The following ARHGAP32 variants were observed in gnomAD, a reference collection of about 807,000 sequenced individuals.
The protein encoded by ARHGAP32 is rho GTPase-activating protein 32.
ARHGAP32 carries 51 observed loss-of-function variants against 186.5 expected under a neutral mutation model. The ratio of observed to expected loss-of-function variants is 0.27; its 90% CI spans 0.22 to 0.35. The LOEUF is 0.35. Ranked by LOEUF, ARHGAP32 falls within the 10% of genes least tolerant of loss-of-function variation. The pLI is 1.00. For synonymous variants in ARHGAP32, 950 were observed against 964.3 expected, an observed-to-expected ratio of 0.99 and a Z score of 0.27; for missense variants, 2,186 against 2,623.5, an observed-to-expected ratio of 0.83 and a Z score of 3.64.
At chr11:129,272,763 G>A (rs776300694) in intron 1 of ARHGAP32, among the ~76,000 whole-genome samples, 11 of 152,340 alleles carry the variant, frequency 7.2e-5, no homozygotes, top group Non-Finnish European at 1.6e-4. Flanking sequence ...CTGTAGGCAA[G>A]AAGAAATGAG....
chr11:129,076,492 G>A (rs972994803), intron 6 of ARHGAP32, among the ~76,000 whole-genome samples: 2 of 151,602 alleles, frequency 1.3e-5, no homozygotes, highest in African/African-American at 4.9e-5. Context: ...ATTTCCACAA[G>A]GAATTAAACT....
At chr11:129,125,533 T>C (rs1228475550) in intron 2 of ARHGAP32, among the ~76,000 whole-genome samples, 1 of 152,054 alleles carries the variant, frequency 6.6e-6, no homozygotes, top group African/African-American at 2.4e-5. Context: ...TTAAAAAAAC[T>C]TAAGTTGAAT....
chr11:129,043,444 C>T (rs1353793416), intron 10 of ARHGAP32, among the ~76,000 whole-genome samples: 5 of 136,160 alleles, frequency 3.7e-5, no homozygotes, highest in African/African-American at 5.5e-5. Context: ...TGAAGTGCAA[C>T]GACGCGACCT....
rs541456855 is a variant in ARHGAP32, at chr11:128,991,168, T to C, written c.1196-3043A>G. Among the ~76,000 whole-genome samples the C allele has an allele frequency of 2.6e-5, 4 of 152,296 alleles. No homozygotes were observed. In the South Asian group the frequency reaches 8.3e-4, roughly 32 times the overall value. ...AATAAGTAGGAAAACATTGAAAATATGGAGAATTAGAGGTCTTTTCCTGAT... is the reference window on the plus strand; with the variant it reads ...AATAAGTAGGAAAACATTGAAAATACGGAGAATTAGAGGTCTTTTCCTGAT... On this transcript the variant is annotated intron_variant, in intron 12 of 22. Coordinates refer to ENST00000682385, the MANE Select transcript of ARHGAP32 (RefSeq NM_001378024.1).
chr11:129,232,799 C>T (rs180768625), intron 1 of ARHGAP32, among the ~76,000 whole-genome samples: 37 of 152,260 alleles, frequency 2.4e-4, no homozygotes, highest in East Asian at 1.4e-3. Flanking sequence ...TGTCCCCTTC[C>T]TATCTTGGAG....
chr11:129,096,795 T>C (rs1204800055), intron 5 of ARHGAP32, among the ~76,000 whole-genome samples: 1 of 152,204 alleles, frequency 6.6e-6, no homozygotes, highest in East Asian at 1.9e-4. Context: ...CAACGCCCTT[T>C]TCCTTCCCTG....
rs771717145 is a variant in ARHGAP32, at chr11:128,969,462, C to A, written c.5751G>T (p.Gln1917His). 37 of 1,614,220 alleles carry A rather than the reference C, an allele frequency of 2.3e-5. No homozygotes were observed. The highest frequency in any genetic ancestry group is 3.1e-5 in the Non-Finnish European group (37 of 1,180,032). Residue 1917 changes from glutamine to histidine, a missense_variant, in exon 23 of 23, where the codon CAG (glutamine) becomes CAT (histidine). This residue lies in a region of ARHGAP32 where 1,502 missense variants were observed against 1,570.0 expected (regional missense o/e 0.96). Coordinates refer to ENST00000682385, the MANE Select transcript of ARHGAP32 (RefSeq NM_001378024.1). The surrounding 1 kb of genome is among the most constrained non-coding windows in gnomAD (Gnocchi z 4.8). ...GAATCCCTTTGGACCCATAATCTAA[C>A]TGGCCAGCTCCCTGGGGATAAGGGG... ...NGPPYPQGAG[Q>H]LDYGSKGIPD...
intron 11 of ARHGAP32, among the ~76,000 whole-genome samples, chr11:129,026,896 G>A (rs901861899): frequency 9.3e-5 from 14 of 150,192 alleles, no homozygotes; most frequent in African/African-American, 2.9e-4. Flanking sequence ...TCAGGAGATC[G>A]AGACCATCCT....
upstream of ARHGAP32, among the ~76,000 whole-genome samples, chr11:129,193,703 A>ATATATATTATATATTATATAT (rs60437245): frequency 1.7e-3 from 83 of 48,364 alleles, no homozygotes; most frequent in African/African-American, 5.9e-3. Flanking sequence ...ATAATATATA[A>ATATATATTATATATTATATAT]TATATATTAT....
At chr11:129,218,613 A>G (rs2135604235) in intron 1 of ARHGAP32, among the ~76,000 whole-genome samples, 1 of 152,300 alleles carries the variant, frequency 6.6e-6, no homozygotes. Context: ...GAGAGATGAG[A>G]CAGAAAAGGG....
intron 5 of ARHGAP32, among the ~76,000 whole-genome samples, chr11:129,110,145 C>T (rs1942167485): frequency 6.6e-6 from 1 of 152,072 alleles, no homozygotes; most frequent in South Asian, 2.1e-4. Context: ...GGTTTAGTTT[C>T]ATTCTTCTAC....
At chr11:129,197,037 A>G (rs1453481340), upstream of ARHGAP32, among the ~76,000 whole-genome samples, 1 of 152,134 alleles carries the variant, frequency 6.6e-6, no homozygotes, top group Non-Finnish European at 1.5e-5. Flanking sequence ...AGCCTGGGTG[A>G]CAGAGCAAGA....
intron 11 of ARHGAP32, among the ~76,000 whole-genome samples, chr11:129,005,386 T>C (rs1419577139): frequency 6.6e-6 from 1 of 152,194 alleles, no homozygotes; most frequent in Non-Finnish European, 1.5e-5. Context: ...TTCATTAATG[T>C]CGTTTTCTTT....
At chr11:129,183,827 G>A (rs1944103556) in intron 1 of ARHGAP32, among the ~76,000 whole-genome samples, 1 of 152,018 alleles carries the variant, frequency 6.6e-6, no homozygotes, top group Non-Finnish European at 1.5e-5. Flanking sequence ...CTGCAGAAAA[G>A]TTTCCTCTCA....
chr11:129,038,888 GAAAAAAAAA>G (rs56810685), intron 11 of ARHGAP32, among the ~76,000 whole-genome samples: 2 of 92,188 alleles, frequency 2.2e-5, no homozygotes, highest in South Asian at 4.0e-4. Flanking sequence ...ACCCTGTCTC[GAAAAAAAAA>G]AAAAAAAAAA....
intron 5 of ARHGAP32, among the ~76,000 whole-genome samples, chr11:129,117,796 C>T (rs1362099170): frequency 1.3e-5 from 2 of 151,540 alleles, no homozygotes; most frequent in Admixed American, 6.6e-5. Flanking sequence ...GGCGGTACAA[C>T]ACAAAGCACA....
intron 11 of ARHGAP32, among the ~76,000 whole-genome samples, chr11:129,040,270 C>A (rs1939538649): frequency 6.6e-6 from 1 of 151,928 alleles, no homozygotes; most frequent in African/African-American, 2.4e-5. Context: ...TGTAATATAG[C>A]TAGGAAAAAT....
chr11:129,054,319 T>C (rs1262737788), intron 10 of ARHGAP32, among the ~76,000 whole-genome samples: 1 of 152,152 alleles, frequency 6.6e-6, no homozygotes, highest in East Asian at 1.9e-4. Flanking sequence ...ATTTCTAAAC[T>C]GTGTCTGATT....
intron 2 of ARHGAP32, among the ~76,000 whole-genome samples, chr11:129,147,859 A>C (rs1475204100): frequency 1.3e-5 from 2 of 152,154 alleles, no homozygotes; most frequent in Non-Finnish European, 2.9e-5. Context: ...TTTATCCTTC[A>C]ATAAAATGAA....
Sources: gnomAD v4.1 joint callset for allele counts (sites outside exome capture counted in the v4.1 genomes callset) on GRCh38, gnomAD v4.1.1 for gene constraint, gnomAD v4.1.1 regional missense constraint, Gnocchi (gnomAD v3.1) non-coding constraint, MANE v1.5 for transcripts, NCBI Gene and HGNC (gene_info 2026-07-23, HGNC 2026-07-21) for gene names.